AP2A1: variants seen among roughly 807,000 people sequenced by gnomAD.
AP2A1 encodes the protein adaptor related protein complex 2 subunit alpha 1, also known as AP-2 complex subunit alpha-1.
AP2A1 carries 21 observed loss-of-function variants against 107.3 expected under a neutral mutation model. That is an observed-to-expected ratio of 0.20 (90% CI 0.14 to 0.28). The LOEUF (loss-of-function observed/expected upper bound fraction) is 0.28. AP2A1 is among the 10% of genes least tolerant of loss of function. AP2A1 has a pLI of 1.00. For synonymous variants in AP2A1, 602 were observed against 564.8 expected, an observed-to-expected ratio of 1.07 and a Z score of -0.93; for missense variants, 873 against 1,307.7, an observed-to-expected ratio of 0.67 and a Z score of 5.13.
chr19:49,767,561 A>C (rs2084515839), intron 1 of AP2A1, among the ~76,000 whole-genome samples: 1 of 152,026 alleles, frequency 6.6e-6, no homozygotes. Context: ...GAAGAAGTGA[A>C]AGAAGTGTAT....
At chr19:49,792,864 A>G in intron 5 of AP2A1, 127 bp from the exon 6 acceptor site, 2 of 795,728 alleles carry the variant, frequency 2.5e-6, no homozygotes, top group Non-Finnish European at 4.0e-6. Flanking sequence ...ACAGTGACAC[A>G]TGTGCACACC....
intron 15 of AP2A1, chr19:49,802,531 C>G (rs962390454): frequency 5.0e-6 from 8 of 1,605,068 alleles, no homozygotes; most frequent in Non-Finnish European, 6.8e-6. Context: ...TTGGATGGCT[C>G]AGCGAGCTGG....
chr19:49,806,562 C>T (rs2073392377), intron 22 of AP2A1, 119 bp from the exon 23 acceptor site: 10 of 1,520,810 alleles, frequency 6.6e-6, no homozygotes, highest in African/African-American at 4.2e-5. Flanking sequence ...ATTTTTCTCT[C>T]CTGTGTCTTG....
intron 11 of AP2A1, among the ~76,000 whole-genome samples, chr19:49,800,480 C>T (rs200075473): frequency 2.6e-5 from 4 of 152,170 alleles, no homozygotes; most frequent in South Asian, 4.2e-4. Context: ...TTTCTGGAGA[C>T]GGAGTCTCAC....
chr19:49,774,169 C>T (rs886478750), intron 1 of AP2A1, among the ~76,000 whole-genome samples: 2 of 152,154 alleles, frequency 1.3e-5, no homozygotes, highest in African/African-American at 2.4e-5. Flanking sequence ...CAGCCCCACC[C>T]GTTTCCAGCT....
rs1263159870 is a variant in AP2A1 at position 49,781,812 on chromosome 19, C to T, written c.123C>T (p.Arg41=). 1.2e-6 allele frequency: 2 copies of T among 1,609,910 alleles called. 1 individual carries two copies. Among genetic ancestry groups the T allele is most frequent in the South Asian group, 2.2e-5 (2 of 90,370 alleles). Residue 41 remains arginine (R), a synonymous_variant, in exon 2 of 23, where the codon CGC becomes CGT. Transcript: ENST00000354293. ...KRINKELANI[R]SKFKGDKALD... is the part of the protein sequence containing the mutation. ...TCAACAAGGAACTGGCCAACATCCG[C>T]TCCAAGTTCAAAGGTAGGCTGGGGG...
chr19:49,798,427 G>A (rs1014777805), intron 7 of AP2A1, among the ~76,000 whole-genome samples: 1 of 152,186 alleles, frequency 6.6e-6, no homozygotes, highest in Non-Finnish European at 1.5e-5. Context: ...GAAGGCCTGG[G>A]TTTGGGGGCA....
At chr19:49,777,923 G>A (rs946632112) in intron 1 of AP2A1, among the ~76,000 whole-genome samples, 16 of 151,710 alleles carry the variant, frequency 1.1e-4, no homozygotes, top group African/African-American at 2.2e-4. Flanking sequence ...GTGAGACCCC[G>A]TCTCAAGAAA....
Position 49,767,140 on chromosome 19 carries a change from G to A in AP2A1, c.7G>A (p.Ala3Thr). 3 of 1,611,612 alleles carry A rather than the reference G, an allele frequency of 1.9e-6. No individual in the cohort carries two copies. Among genetic ancestry groups the A allele is most frequent in the East Asian group, 2.2e-5 (1 of 44,860 alleles). MP[A>T]VSKGDGMRGL... is the part of the protein sequence containing the mutation. ...AGCCGACACCACCGCCATCATGCCGGCCGTGTCCAAGGGCGATGGGATGCG... is the reference window on the plus strand; with the variant it reads ...AGCCGACACCACCGCCATCATGCCGACCGTGTCCAAGGGCGATGGGATGCG... The change falls in exon 1 of 23, where the codon GCC becomes ACC. Residue 3 changes from alanine (A) to threonine (T), a missense_variant. Ala to Thr is a moderately conservative substitution (Grantham distance 58, BLOSUM62 0). This residue lies in a region of AP2A1 where 87 missense variants were observed against 178.2 expected (regional missense o/e 0.49). Transcript: ENST00000354293.
intron 22 of AP2A1, 138 bp from the exon 23 acceptor site, chr19:49,806,543 C>A: frequency 6.8e-7 from 1 of 1,475,990 alleles, no homozygotes; most frequent in South Asian, 1.4e-5. Flanking sequence ...CTGTTGATTT[C>A]AGTCTTACAT....
intron 6 of AP2A1, among the ~76,000 whole-genome samples, chr19:49,794,718 A>G (rs192199845): frequency 6.6e-6 from 1 of 152,068 alleles, no homozygotes; most frequent in East Asian, 1.9e-4. Context: ...GCTGGAGTGC[A>G]ATGGCGTGAT....
chr19:49,779,294 G>A (rs1476075994), intron 1 of AP2A1, among the ~76,000 whole-genome samples: 19 of 142,710 alleles, frequency 1.3e-4, no homozygotes, highest in African/African-American at 4.7e-4. Flanking sequence ...CTGAAATTGC[G>A]CCACTGCACT....
intron 1 of AP2A1, among the ~76,000 whole-genome samples, chr19:49,773,048 G>A (rs191148529): frequency 6.6e-6 from 1 of 151,962 alleles, no homozygotes; most frequent in Non-Finnish European, 1.5e-5. Flanking sequence ...AGAGTGTGGA[G>A]CCAGCCAGCA....
At position 49,806,717 on chromosome 19, in the gene AP2A1, G is replaced by A. The variant is rs201666749; in HGVS notation, c.2827G>A (p.Val943Ile). 365 of 1,613,496 alleles carry A rather than the reference G, an allele frequency of 2.3e-4. 1 individual carries two copies. The African/African-American group carries it at 4.3e-3, about 19-fold the overall frequency. ...RLTLRTSKEP[V>I]SRHLCELLAQ... is the part of the protein sequence containing the mutation. Reference sequence around the variant, plus strand: ...GACCCTGCGCACCAGCAAGGAGCCCGTCTCCCGTCACCTGTGTGAGCTGCT... The same window carrying A: ...GACCCTGCGCACCAGCAAGGAGCCCATCTCCCGTCACCTGTGTGAGCTGCT... Residue 943 changes from valine (V) to isoleucine (I), a missense_variant, in exon 23 of 23, where the codon GTC (valine) becomes ATC (isoleucine). Val to Ile is a conservative substitution (Grantham distance 29). Coordinates refer to ENST00000354293, the MANE Select transcript of AP2A1 (RefSeq NM_130787.3).
intron 6 of AP2A1, among the ~76,000 whole-genome samples, chr19:49,794,502 T>C (rs1224408524): frequency 6.7e-6 from 1 of 150,312 alleles, no homozygotes; most frequent in Non-Finnish European, 1.5e-5. Flanking sequence ...GCACTCAGCC[T>C]CAGTCATTGT....
At chr19:49,768,697 G>A (rs1248989107) in intron 1 of AP2A1, among the ~76,000 whole-genome samples, 1 of 152,146 alleles carries the variant, frequency 6.6e-6, no homozygotes, top group South Asian at 2.1e-4. Flanking sequence ...TATGATAAGG[G>A]GCGGGGCTAT....
chr19:49,768,027 TAGA>T (rs2084521111), intron 1 of AP2A1, among the ~76,000 whole-genome samples: 1 of 151,442 alleles, frequency 6.6e-6, no homozygotes, highest in African/African-American at 2.4e-5. Flanking sequence ...GGGGAAAGGG[TAGA>T]AGAAGGAGCG....
chr19:49,771,493 C>T (rs1267382200), intron 1 of AP2A1, among the ~76,000 whole-genome samples: 3 of 151,784 alleles, frequency 2.0e-5, no homozygotes, highest in Admixed American at 6.6e-5. Context: ...ACTGCACCCT[C>T]CATTTCCCAG....
rs372000518 is a variant in AP2A1 at position 49,806,068 on chromosome 19, G to T, written c.2656-51G>T. On this transcript the variant is annotated intron_variant, in intron 21 of 22. Coordinates refer to ENST00000354293, the MANE Select transcript of AP2A1 (RefSeq NM_130787.3). ...TTTTTGGGATCTGGGATGCCACTGT[G>T]TGGTAACTAACAGCTCTGGCACACT... 988 of 1,598,200 alleles carry T rather than the reference G, an allele frequency of 6.2e-4. 2 individuals are homozygous for T. The highest frequency in any genetic ancestry group is 7.6e-4 in the Non-Finnish European group (885 of 1,170,960).
Sources: gnomAD v4.1 joint callset for allele counts (sites outside exome capture counted in the v4.1 genomes callset) on GRCh38, gnomAD v4.1.1 for gene constraint, gnomAD v4.1.1 regional missense constraint, MANE v1.5 for transcripts, NCBI Gene and HGNC (gene_info 2026-07-23, HGNC 2026-07-21) for gene names.